RASGRF2: variants seen among roughly 807,000 people sequenced by gnomAD.
RASGRF2 encodes Ras protein specific guanine nucleotide releasing factor 2.
In RASGRF2, 76 loss-of-function variants were observed where a neutral mutation model predicts 151.0. The ratio of observed to expected loss-of-function variants is 0.50; its 90% CI spans 0.42 to 0.61. The LOEUF (loss-of-function observed/expected upper bound fraction) is 0.61. RASGRF2 is among the 20% of genes least tolerant of loss of function. RASGRF2 has a pLI of 0.00. For missense variants in RASGRF2, 1,148 were observed against 1,564.6 expected (o/e 0.73, Z 4.49); for synonymous variants, 504 against 566.5 (o/e 0.89, Z 1.57).
At chr5:81,062,123 T>C (rs1314938212) in intron 2 of RASGRF2, among the ~76,000 whole-genome samples, 6 of 151,800 alleles carry the variant, frequency 4.0e-5, no homozygotes, top group Non-Finnish European at 8.8e-5. Context: ...ATTGTAAGCA[T>C]AGGCCACTGT....
intron 2 of RASGRF2, among the ~76,000 whole-genome samples, chr5:81,052,817 C>G (rs894984622): frequency 6.6e-5 from 10 of 152,106 alleles, no homozygotes; most frequent in African/African-American, 2.4e-4. Context: ...CTTGGATTTT[C>G]TCCACTCCCA....
At chr5:81,063,681 AT>A (rs1226895849) in intron 2 of RASGRF2, among the ~76,000 whole-genome samples, 1 of 151,516 alleles carries the variant, frequency 6.6e-6, no homozygotes, top group Admixed American at 6.6e-5. Flanking sequence ...ATCTCTTTAT[AT>A]TTTTGTTTAG....
At chr5:80,983,489 G>C (rs892636599) in intron 1 of RASGRF2, among the ~76,000 whole-genome samples, 5 of 152,224 alleles carry the variant, frequency 3.3e-5, no homozygotes, top group Non-Finnish European at 7.3e-5. Context: ...GGGCATTTGG[G>C]TGCAAAGCCA....
intron 25 of RASGRF2, among the ~76,000 whole-genome samples, 195 bp downstream of exon 25, chr5:81,217,668 C>T (rs1414152675): frequency 6.8e-6 from 1 of 147,864 alleles, no homozygotes. Context: ...CAACCTCTGC[C>T]TCTGGGTTCA....
In RASGRF2 at chr5:81,201,426, G is replaced by A. The variant is rs764161626; in HGVS notation, c.2890G>A (p.Ala964Thr). Residue 964 changes from alanine (A) to threonine (T), a missense_variant, in exon 19 of 27, where the codon GCC becomes ACC. Ala to Thr is a moderately conservative substitution (Grantham distance 58, BLOSUM62 0). This residue lies in a region of RASGRF2 where 646 missense variants were observed against 807.4 expected (regional missense o/e 0.80). Coordinates refer to ENST00000265080, the MANE Select transcript of RASGRF2 (RefSeq NM_006909.3). ...CCTTCTTCCCCAAGAAAGGAAAGCCGCCGCGAATATCCTCAGGTGAAGGCA... is the reference window on the plus strand; with the variant it reads ...CCTTCTTCCCCAAGAAAGGAAAGCCACCGCGAATATCCTCAGGTGAAGGCA... ...PDLLPQERKA[A>T]ANILRALSQD... 9.3e-6 allele frequency: 15 copies of A among 1,613,752 alleles called. No homozygotes were observed. Among genetic ancestry groups the A allele is most frequent in the Admixed American group, 6.7e-5 (4 of 59,886 alleles).
chr5:81,224,215 A>C (rs1401030488), intron 26 of RASGRF2, among the ~76,000 whole-genome samples: 1 of 152,256 alleles, frequency 6.6e-6, no homozygotes, highest in Non-Finnish European at 1.5e-5. Flanking sequence ...GCTCAACTTC[A>C]CTAGTAAAAA....
In RASGRF2 at chr5:81,000,429, G is replaced by A. The variant is rs143180640; in HGVS notation, c.288+39403G>A. ...GCTAATTTTTATATTTTTTAGTAGA[G>A]ACGGGGTTTCACCATGTTGGCCAGG... On this transcript the variant is annotated intron_variant, in intron 1 of 26. Coordinates refer to ENST00000265080, the MANE Select transcript of RASGRF2 (RefSeq NM_006909.3). 8.4e-3 allele frequency among the ~76,000 whole-genome samples: 1,276 copies of A among 152,204 alleles called. 3 individuals carry two copies. The highest frequency in any genetic ancestry group is 0.013 in the Non-Finnish European group (859 of 68,008).
chr5:81,185,991 T>G (rs1755017240), intron 18 of RASGRF2, among the ~76,000 whole-genome samples: 1 of 152,198 alleles, frequency 6.6e-6, no homozygotes, highest in Non-Finnish European at 1.5e-5. Flanking sequence ...CATTTGATGA[T>G]TCCGTTATTA....
intron 1 of RASGRF2, among the ~76,000 whole-genome samples, chr5:81,019,904 A>G (rs529680177): frequency 6.6e-6 from 1 of 152,334 alleles, no homozygotes; most frequent in South Asian, 2.1e-4. Context: ...TGGCCTGGCA[A>G]TACCATTCTC....
At chr5:81,008,138 C>CTTT (rs1749332591) in intron 1 of RASGRF2, among the ~76,000 whole-genome samples, 1 of 106,022 alleles carries the variant, frequency 9.4e-6, no homozygotes, top group South Asian at 3.1e-4. Context: ...TTCTTTCTTT[C>CTTT]CTTTTTTTTT....
chr5:81,085,917 C>T lies in RASGRF2; in HGVS notation c.1271+6C>T, dbSNP rs368171788. On this transcript the variant is annotated splice_donor_region_variant and intron_variant, in intron 8 of 26. Transcript: ENST00000265080. ...AAGCTAGAGGAACTATCCAGGTATG[C>T]CAAGAACTTATAACAAAGGCTTGGG... The T allele has an allele frequency of 2.5e-5, 40 of 1,613,812 alleles. No homozygotes were observed. Among genetic ancestry groups the T allele is most frequent in the Middle Eastern group, 1.6e-4 (1 of 6,082 alleles).
chr5:81,153,776 C>G (rs895933627), intron 17 of RASGRF2, among the ~76,000 whole-genome samples: 1 of 151,474 alleles, frequency 6.6e-6, no homozygotes, highest in East Asian at 1.9e-4. Flanking sequence ...ATTGTCAAAC[C>G]ATATAAAAAA....
Position 81,070,552 on chromosome 5 carries a change from G to C in RASGRF2, c.604G>C (p.Glu202Gln), listed in dbSNP as rs756926154. 6.2e-7 allele frequency: 1 copy of C among 1,610,166 alleles called. No homozygotes were observed. The highest frequency in any genetic ancestry group is 8.5e-7 in the Non-Finnish European group (1 of 1,176,452). ...ACCTTACCAAAGCAACCAAGAAGAC[G>C]AAGATCCAGACATCAAGAAGATTAA... ...MRPYQSNQED[E>Q]DPDIKKIKKV... is the part of the protein sequence containing the mutation. The change falls in exon 4 of 27, where the codon GAA becomes CAA. Residue 202 changes from glutamate (E) to glutamine (Q), a missense_variant. Glu to Gln is a conservative substitution (Grantham distance 29). Coordinates refer to ENST00000265080, the MANE Select transcript of RASGRF2 (RefSeq NM_006909.3).
At chr5:81,032,012 C>G (rs1311114440) in intron 1 of RASGRF2, among the ~76,000 whole-genome samples, 1 of 152,150 alleles carries the variant, frequency 6.6e-6, no homozygotes, top group Admixed American at 6.5e-5. Context: ...CCAGAGAATA[C>G]TATAAACACC....
intron 17 of RASGRF2, among the ~76,000 whole-genome samples, chr5:81,144,608 G>A (rs1580356352): frequency 6.6e-6 from 1 of 152,132 alleles, no homozygotes; most frequent in South Asian, 2.1e-4. Context: ...TGCCCAGATG[G>A]GCATTTCTGT....
chr5:81,110,901 G>T (rs1031903016), intron 13 of RASGRF2, among the ~76,000 whole-genome samples: 1 of 152,154 alleles, frequency 6.6e-6, no homozygotes, highest in Non-Finnish European at 1.5e-5. Flanking sequence ...GGCATTTCAA[G>T]ATCAGTAATG....
intron 18 of RASGRF2, among the ~76,000 whole-genome samples, chr5:81,194,985 G>C (rs1407295409): frequency 1.3e-5 from 2 of 152,184 alleles, no homozygotes; most frequent in East Asian, 3.8e-4. Context: ...CGGTTTCTTC[G>C]TTCGAATCCT....
intron 1 of RASGRF2, among the ~76,000 whole-genome samples, chr5:81,013,727 G>A (rs1467950905): frequency 6.6e-6 from 1 of 152,056 alleles, no homozygotes; most frequent in African/African-American, 2.4e-5. Flanking sequence ...GTTAGTGAAA[G>A]CTACTATTAC....
At chr5:81,068,327 A>G (rs1204863802) in intron 3 of RASGRF2, 148 bp downstream of exon 3, 3 of 759,242 alleles carry the variant, frequency 4.0e-6, no homozygotes, top group Non-Finnish European at 6.1e-6. Context: ...TGACCTAGAC[A>G]TGAATCTAAT....
Sources: allele counts gnomAD v4.1 joint callset (sites outside exome capture counted in the v4.1 genomes callset), GRCh38; gene constraint gnomAD v4.1.1; regional missense constraint gnomAD v4.1.1; transcripts MANE v1.5; gene names NCBI Gene and HGNC (gene_info 2026-07-23, HGNC 2026-07-21).